STRN3: variants seen among roughly 807,000 people sequenced by gnomAD.
STRN3 encodes the protein striatin 3.
STRN3 carries 29 observed loss-of-function variants against 95.6 expected under a neutral mutation model. That is an observed-to-expected ratio of 0.30 (90% CI 0.23 to 0.41). The LOEUF is 0.41. STRN3 is among the 10% of genes least tolerant of loss of function. The probability of loss-of-function intolerance (pLI) is 1.00; values close to 1 mark genes in which losing one functional copy is unlikely to be tolerated. For synonymous variants in STRN3, 331 were observed against 357.6 expected, an observed-to-expected ratio of 0.93 and a Z score of 0.84; for missense variants, 890 against 972.1, an observed-to-expected ratio of 0.92 and a Z score of 1.12.
chr14:30,912,344 CTT>C, intron 10 of STRN3, 162 bp from the exon 11 acceptor site: 1 of 551,036 alleles, frequency 1.8e-6, no homozygotes, highest in Non-Finnish European at 2.9e-6. Flanking sequence ...TCTAAAAAAA[CTT>C]TATCATTTAA....
chr14:31,016,377 TAATC>T (rs1305819980), intron 1 of STRN3, among the ~76,000 whole-genome samples: 9 of 151,918 alleles, frequency 5.9e-5, no homozygotes, highest in Non-Finnish European at 1.2e-4. Flanking sequence ...TAAAAAGAAA[TAATC>T]AACCCATAGA....
intron 3 of STRN3, among the ~76,000 whole-genome samples, chr14:30,951,524 G>A (rs973414543): frequency 6.6e-6 from 1 of 152,084 alleles, no homozygotes; most frequent in African/African-American, 2.4e-5. Context: ...GAACCACCAT[G>A]CCTGGCAATT....
chr14:30,946,069 T>C lies in STRN3; in HGVS notation c.716+1021A>G, dbSNP rs76752716. On this transcript the variant is annotated intron_variant, in intron 5 of 17. Transcript: ENST00000357479. Reference sequence around the variant, plus strand: ...AATCCAAACACAATGCAAAGCTTTGTTTCTTTCACGCTAGGGTCTAAATAA... The same window carrying C: ...AATCCAAACACAATGCAAAGCTTTGCTTCTTTCACGCTAGGGTCTAAATAA... Among the ~76,000 whole-genome samples, 512 of 152,334 alleles carry C rather than the reference T, an allele frequency of 3.4e-3. 4 individuals carry two copies. The highest frequency in any genetic ancestry group is 0.012 in the African/African-American group (485 of 41,570).
rs1896100139 is a variant in STRN3 at position 30,895,071 on chromosome 14, A to AC, written c.*339_*340insG. ...CAGAGTCCAAAAAAAAAAAAAAAAA[A>AC]AAAAAAAAGAAGAAGAAGAAGAGAA... On this transcript the variant is annotated 3_prime_UTR_variant, in exon 18 of 18. Transcript: ENST00000357479. 4.6e-6 allele frequency: 1 copy of AC among 219,256 alleles called. No homozygotes were observed. Among genetic ancestry groups the AC allele is most frequent in the Non-Finnish European group, 8.1e-6 (1 of 123,032 alleles). The allele number at this position is 219,256 out of a possible 1,614,324, so 13.6% of individuals were successfully genotyped here. A position where few individuals can be genotyped will look rare whatever the true frequency, so the allele number is the denominator to read the frequency against.
chr14:31,015,913 T>C (rs1188832431), intron 1 of STRN3, among the ~76,000 whole-genome samples: 2 of 152,118 alleles, frequency 1.3e-5, no homozygotes, highest in African/African-American at 4.8e-5. Context: ...ATCCTCCATC[T>C]CACTCCTCCA....
intron 13 of STRN3, 119 bp downstream of exon 13, chr14:30,910,922 T>C (rs761947703): frequency 1.1e-4 from 123 of 1,113,996 alleles, no homozygotes; most frequent in Non-Finnish European, 1.5e-4. Flanking sequence ...TATTAGCAAA[T>C]GGAAGAACTA....
intron 1 of STRN3, among the ~76,000 whole-genome samples, chr14:30,976,307 T>TAGA (rs1213077175): frequency 1.3e-5 from 2 of 152,336 alleles, no homozygotes; most frequent in African/African-American, 4.8e-5. Context: ...CCAGGATAAT[T>TAGA]ATCCAGGATA....
intron 1 of STRN3, among the ~76,000 whole-genome samples, chr14:30,986,212 T>C (rs1348528434): frequency 6.6e-6 from 1 of 152,202 alleles, no homozygotes; most frequent in East Asian, 1.9e-4. Context: ...GGTATGCTTC[T>C]AAAATGCTGA....
intron 15 of STRN3, among the ~76,000 whole-genome samples, chr14:30,903,021 G>A (rs1464917333): frequency 2.6e-5 from 4 of 151,874 alleles, no homozygotes; most frequent in Non-Finnish European, 4.4e-5. Context: ...TGTTTGTAAG[G>A]AACAACCCCC....
rs1431298886 is a variant in STRN3, at chr14:31,026,193, G to T, written c.-8C>A. 1.4e-6 allele frequency: 2 copies of T among 1,428,900 alleles called. No individual in the cohort carries two copies. Among genetic ancestry groups the T allele is most frequent in the African/African-American group, 1.5e-5 (1 of 66,418 alleles). The allele number at this position is 1,428,900 out of a possible 1,614,324, so 88.5% of individuals were successfully genotyped here. On this transcript the variant is annotated 5_prime_UTR_variant, in exon 1 of 18. Coordinates refer to ENST00000357479, the MANE Select transcript of STRN3 (RefSeq NM_001083893.2). Reference sequence around the variant, plus strand: ...TCCGGCAAGCTCGTCCATTGTGTGTGGGGCCCCGGCCGGGGCGCAGGGCGA... The same window carrying T: ...TCCGGCAAGCTCGTCCATTGTGTGTTGGGCCCCGGCCGGGGCGCAGGGCGA...
Position 30,947,145 on chromosome 14 carries a change from C to G in STRN3, c.661G>C (p.Glu221Gln), listed in dbSNP as rs781287820. The G allele has an allele frequency of 1.9e-6, 3 of 1,611,992 alleles. No individual in the cohort carries two copies. The highest frequency in any genetic ancestry group is 2.5e-6 in the Non-Finnish European group (3 of 1,179,412). ...PNGSVETKNL[E>Q]QILNGGESPK... ...GATTCACCTCCATTCAGGATCTGTTCTAAATTCTTTGTTTCTACTGATCCA... is the reference window on the plus strand; with the variant it reads ...GATTCACCTCCATTCAGGATCTGTTGTAAATTCTTTGTTTCTACTGATCCA... The change falls in exon 5 of 18, where the codon GAA becomes CAA. Residue 221 changes from glutamate (E) to glutamine (Q), a missense_variant. Physicochemically the swap from Glu to Gln is conservative, Grantham distance 29. Transcript: ENST00000357479.
At chr14:30,979,952 A>G (rs532718356) in intron 1 of STRN3, among the ~76,000 whole-genome samples, 81 of 151,864 alleles carry the variant, frequency 5.3e-4, no homozygotes, top group African/African-American at 1.7e-3. Context: ...GTGAATGCAC[A>G]TAAGAATTAT....
intron 5 of STRN3, among the ~76,000 whole-genome samples, chr14:30,940,504 C>T (rs1879042712): frequency 6.6e-6 from 1 of 152,166 alleles, no homozygotes; most frequent in African/African-American, 2.4e-5. Flanking sequence ...TCCTATATTC[C>T]AGCTTTGAAT....
At chr14:30,953,911 G>A (rs1483051912) in intron 3 of STRN3, among the ~76,000 whole-genome samples, 1 of 152,150 alleles carries the variant, frequency 6.6e-6, no homozygotes, top group African/African-American at 2.4e-5. Context: ...TTACAGGAAT[G>A]AGCCACAGCA....
At chr14:30,986,883 A>G (rs899743704) in intron 1 of STRN3, among the ~76,000 whole-genome samples, 2 of 152,204 alleles carry the variant, frequency 1.3e-5, no homozygotes, top group Non-Finnish European at 2.9e-5. Flanking sequence ...CACATACTAC[A>G]TATTTAATTT....
At chr14:30,948,253 G>A (rs1222583044) in intron 4 of STRN3, among the ~76,000 whole-genome samples, 1 of 152,158 alleles carries the variant, frequency 6.6e-6, no homozygotes, top group Non-Finnish European at 1.5e-5. Context: ...CAACCATATA[G>A]TGTCTATAAA....
chr14:30,984,730 A>T (rs1032519010), intron 1 of STRN3, among the ~76,000 whole-genome samples: 2 of 151,736 alleles, frequency 1.3e-5, no homozygotes, highest in South Asian at 2.1e-4. Context: ...GTGAGCCAAG[A>T]TTGCACCACT....
At chr14:30,960,872 A>T (rs1171053055) in intron 1 of STRN3, among the ~76,000 whole-genome samples, 2 of 150,206 alleles carry the variant, frequency 1.3e-5, no homozygotes, top group African/African-American at 4.9e-5. Flanking sequence ...CCATCTCAAA[A>T]AAAAAAAAAA....
chr14:30,936,767 A>T, intron 5 of STRN3, 143 bp from the exon 6 acceptor site: 2 of 1,025,246 alleles, frequency 2.0e-6, no homozygotes, highest in East Asian at 5.4e-5. Context: ...TCAAGAAAAG[A>T]AGTTTGAAAG....
Sources: allele counts gnomAD v4.1 joint callset (sites outside exome capture counted in the v4.1 genomes callset), GRCh38; gene constraint gnomAD v4.1.1; transcripts MANE v1.5; gene names NCBI Gene and HGNC (gene_info 2026-07-23, HGNC 2026-07-21).